EPHA6: variants seen among roughly 807,000 people sequenced by gnomAD.
EPHA6 encodes the protein ephrin type-A receptor 6.
EPHA6 carries 50 observed loss-of-function variants against 112.0 expected under a neutral mutation model. That is an observed-to-expected ratio of 0.45 (90% CI 0.36 to 0.56). The LOEUF (loss-of-function observed/expected upper bound fraction) is 0.56, where lower values mean the gene tolerates loss of function less well. Among genes scored for constraint, EPHA6 ranks in the 20% least tolerant of loss-of-function variants. The pLI is 0.00. For synonymous variants in EPHA6, 529 were observed against 490.7 expected, an observed-to-expected ratio of 1.08 and a Z score of -1.03; for missense variants, 1,280 against 1,417.4, an observed-to-expected ratio of 0.90 and a Z score of 1.56.
intron 3 of EPHA6, among the ~76,000 whole-genome samples, chr3:97,099,846 G>T (rs73131586): frequency 6.6e-6 from 1 of 152,072 alleles, no homozygotes; most frequent in East Asian, 1.9e-4. Context: ...TGACTACTTT[G>T]GATTATGAAG....
intron 2 of EPHA6, among the ~76,000 whole-genome samples, chr3:96,937,706 G>C (rs1442693222): frequency 6.6e-6 from 1 of 152,144 alleles, no homozygotes. Flanking sequence ...GAATGGTATT[G>C]CCTAGGTTTT....
chr3:97,689,563 A>C (rs557185605), intron 14 of EPHA6, among the ~76,000 whole-genome samples: 18 of 152,310 alleles, frequency 1.2e-4, no homozygotes, highest in African/African-American at 3.4e-4. Flanking sequence ...CTGAGTGGCC[A>C]GGAACCCAGG....
chr3:97,447,982 T>G (rs572257592), intron 6 of EPHA6: 28 of 199,320 alleles, frequency 1.4e-4, no homozygotes, highest in Non-Finnish European at 1.1e-4. Flanking sequence ...AGGAAAAAAT[T>G]CATTATTTTA....
chr3:96,868,976 T>C (rs2107464017), intron 2 of EPHA6, among the ~76,000 whole-genome samples: 1 of 152,132 alleles, frequency 6.6e-6, no homozygotes, highest in South Asian at 2.1e-4. Flanking sequence ...TGAGCATCTC[T>C]GGTGGTTAGT....
chr3:96,836,288 T>C (rs1344699114), intron 1 of EPHA6, among the ~76,000 whole-genome samples: 1 of 152,098 alleles, frequency 6.6e-6, no homozygotes, highest in African/African-American at 2.4e-5. Flanking sequence ...ATGAAGAAGC[T>C]TAAAAAATAA....
At chr3:97,312,918 A>G (rs1051250154) in intron 5 of EPHA6, among the ~76,000 whole-genome samples, 2 of 151,488 alleles carry the variant, frequency 1.3e-5, no homozygotes, top group African/African-American at 4.8e-5. Context: ...CTTTGTAGTG[A>G]GAATATTAAA....
At chr3:97,111,575 G>T (rs2047725657) in intron 3 of EPHA6, among the ~76,000 whole-genome samples, 1 of 151,940 alleles carries the variant, frequency 6.6e-6, no homozygotes. Context: ...TTTTTCCCTG[G>T]AAACAAAATG....
At chr3:96,937,179 C>T (rs568368857) in intron 2 of EPHA6, among the ~76,000 whole-genome samples, 79 of 152,276 alleles carry the variant, frequency 5.2e-4, no homozygotes, top group African/African-American at 1.8e-3. Flanking sequence ...CCTGAGGAAT[C>T]GCCACACTGA....
chr3:97,027,612 GA>G (rs1176317924), intron 3 of EPHA6, among the ~76,000 whole-genome samples: 2 of 152,142 alleles, frequency 1.3e-5, no homozygotes, highest in African/African-American at 2.4e-5. Context: ...GAATTGGCAT[GA>G]ATAGACATTA....
At chr3:96,983,509 G>A (rs911173519) in intron 2 of EPHA6, among the ~76,000 whole-genome samples, 1 of 152,018 alleles carries the variant, frequency 6.6e-6, no homozygotes, top group African/African-American at 2.4e-5. Flanking sequence ...TTCAACTTTG[G>A]TGAATCTGAC....
chr3:97,039,012 C>G (rs2108045984), intron 3 of EPHA6, among the ~76,000 whole-genome samples: 1 of 152,168 alleles, frequency 6.6e-6, no homozygotes, highest in Admixed American at 6.5e-5. Context: ...TTGAAGCCAA[C>G]TTGCTTTCTT....
At chr3:97,144,081 G>A (rs1000546178) in intron 3 of EPHA6, among the ~76,000 whole-genome samples, 1 of 151,602 alleles carries the variant, frequency 6.6e-6, no homozygotes, top group Non-Finnish European at 1.5e-5. Context: ...AAGCATTTGT[G>A]TATAACAACC....
intron 5 of EPHA6, among the ~76,000 whole-genome samples, chr3:97,316,019 T>A (rs1156928693): frequency 6.6e-6 from 1 of 151,892 alleles, no homozygotes; most frequent in African/African-American, 2.4e-5. Context: ...ATTTATTTGC[T>A]CAAACATATA....
chr3:97,168,543 CTCTT>C (rs921110981), intron 3 of EPHA6, among the ~76,000 whole-genome samples: 2 of 151,936 alleles, frequency 1.3e-5, no homozygotes, highest in Non-Finnish European at 1.5e-5. Flanking sequence ...TTCTCTCTCT[CTCTT>C]TCTTTCTTTT....
At chr3:97,094,235 G>T (rs929757837) in intron 3 of EPHA6, among the ~76,000 whole-genome samples, 2 of 152,030 alleles carry the variant, frequency 1.3e-5, no homozygotes, top group African/African-American at 4.8e-5. Flanking sequence ...CTACATATCT[G>T]TTTTTGTTTT....
intron 14 of EPHA6, among the ~76,000 whole-genome samples, chr3:97,653,308 CAATAAT>C (rs1052807295): frequency 6.6e-6 from 1 of 151,692 alleles, no homozygotes; most frequent in Non-Finnish European, 1.5e-5. Context: ...TCATACAACT[CAATAAT>C]AATAATAACC....
chr3:97,481,329 G>A (rs1577531951), intron 9 of EPHA6: 1 of 1,556,784 alleles, frequency 6.4e-7, no homozygotes, highest in East Asian at 2.3e-5. Flanking sequence ...TTGTAGAGAT[G>A]TTTCACTTGT....
At chr3:97,078,141 A>C (rs577149333) in intron 3 of EPHA6, among the ~76,000 whole-genome samples, 4 of 152,180 alleles carry the variant, frequency 2.6e-5, no homozygotes, top group African/African-American at 4.8e-5. Context: ...TCTCTGATGA[A>C]CAGTGATGAT....
At chr3:97,212,324 A>G (rs973379648) in intron 3 of EPHA6, among the ~76,000 whole-genome samples, 1 of 152,214 alleles carries the variant, frequency 6.6e-6, no homozygotes, top group African/African-American at 2.4e-5. Context: ...TGGGAATATA[A>G]CATTAAGTAA....
Sources: gnomAD v4.1 joint callset for allele counts (sites outside exome capture counted in the v4.1 genomes callset) on GRCh38, gnomAD v4.1.1 for gene constraint, MANE v1.5 for transcripts, NCBI Gene and HGNC (gene_info 2026-07-23, HGNC 2026-07-21) for gene names.